Variants in NCOA6 observed in about 807,000 individuals in gnomAD.
NCOA6 encodes the protein nuclear receptor coactivator 6.
Under a neutral mutation model 171.4 loss-of-function variants are expected in NCOA6, and 49 were observed. That is an observed-to-expected ratio of 0.29 (90% CI 0.23 to 0.36). NCOA6 has a LOEUF of 0.36. Ranked by LOEUF, NCOA6 falls within the 10% of genes least tolerant of loss-of-function variation. NCOA6 has a pLI of 1.00. For synonymous variants in NCOA6, 910 were observed against 927.5 expected (o/e 0.98, Z 0.34); for missense variants, 2,248 against 2,554.5 (o/e 0.88, Z 2.59).
intron 1 of NCOA6, among the ~76,000 whole-genome samples, chr20:34,803,749 A>G (rs1428453013): frequency 2.0e-5 from 3 of 152,110 alleles, no homozygotes; most frequent in Non-Finnish European, 4.4e-5. Context: ...TAACCCCAGC[A>G]CTTTAGGAGG....
intron 5 of NCOA6, among the ~76,000 whole-genome samples, chr20:34,765,541 C>T (rs939846719): frequency 3.3e-5 from 5 of 151,958 alleles, no homozygotes; most frequent in Admixed American, 1.3e-4. Flanking sequence ...AATAGTGACA[C>T]TATAACATGC....
intron 11 of NCOA6, among the ~76,000 whole-genome samples, 178 bp from the exon 12 acceptor site, chr20:34,736,936 A>G (rs1445978660): frequency 1.3e-5 from 2 of 152,326 alleles, no homozygotes; most frequent in South Asian, 2.1e-4. Flanking sequence ...ATTAATTACC[A>G]TAACACCCAG....
chr20:34,740,672 G>T lies in NCOA6; in HGVS notation c.5584C>A (p.Pro1862Thr). 1 of 1,614,196 alleles carries T rather than the reference G, an allele frequency of 6.2e-7. No homozygotes were observed. Among genetic ancestry groups the T allele is most frequent in the East Asian group, 2.2e-5 (1 of 44,880 alleles). The change falls in exon 11 of 15, where the codon CCG (proline) becomes ACG (threonine). Residue 1862 changes from proline (P) to threonine (T), a missense_variant. Physicochemically the swap from Pro to Thr is conservative, Grantham distance 38 (BLOSUM62 -1). This residue lies in a region of NCOA6 where 884 missense variants were observed against 941.9 expected (regional missense o/e 0.94). Transcript: ENST00000359003. The part of the protein sequence containing the change: ...TEGQGLDTTA[P>T]GLMGTEQLST... The stretch of plus-strand genomic sequence containing the variant: ...AACTGCTCTGTTCCCATGAGCCCCG[G>T]AGCTGTGGTGTCTAGCCCTTGGCCT...
At chr20:34,763,734 A>G (rs1466633994) in intron 5 of NCOA6, among the ~76,000 whole-genome samples, 1 of 152,218 alleles carries the variant, frequency 6.6e-6, no homozygotes, top group Non-Finnish European at 1.5e-5. Flanking sequence ...AGGGTAGAGA[A>G]GACAATTCCA....
At position 34,757,300 on chromosome 20, in the gene NCOA6, C is replaced by T; in HGVS notation, c.1448G>A (p.Gly483Glu). 6.2e-7 allele frequency: 1 copy of T among 1,613,896 alleles called. No individual in the cohort carries two copies. The highest frequency in any genetic ancestry group is 8.5e-7 in the Non-Finnish European group (1 of 1,179,874). Residue 483 changes from glycine (G) to glutamate (E), a missense_variant, in exon 7 of 15, where the codon GGA (glycine) becomes GAA (glutamate). Transcript: ENST00000359003. ...SPGRNPMVQQ[G>E]NVPPNFMVMQ... ...CACCATGAAGTTAGGTGGCACATTT[C>T]CCTGTTGAACCATAGGATTCCGACC...
intron 1 of NCOA6, among the ~76,000 whole-genome samples, chr20:34,813,386 A>C (rs2078733999): frequency 6.6e-6 from 1 of 151,782 alleles, no homozygotes; most frequent in Non-Finnish European, 1.5e-5. Flanking sequence ...GAAACGCTTG[A>C]ACCCACGGGG....
intron 4 of NCOA6, among the ~76,000 whole-genome samples, chr20:34,774,916 T>C (rs1370612739): frequency 1.3e-5 from 2 of 152,170 alleles, no homozygotes; most frequent in African/African-American, 2.4e-5. Context: ...GTGAGATAAA[T>C]GATCTGAGGG....
chr20:34,796,455 A>T (rs982239812), intron 1 of NCOA6, among the ~76,000 whole-genome samples: 1 of 151,956 alleles, frequency 6.6e-6, no homozygotes, highest in Non-Finnish European at 1.5e-5. Context: ...TCCTGCCTCT[A>T]CAAAAAAATA....
intron 4 of NCOA6, among the ~76,000 whole-genome samples, chr20:34,773,976 G>C (rs1287545153): frequency 6.6e-6 from 1 of 152,190 alleles, no homozygotes; most frequent in African/African-American, 2.4e-5. Context: ...AACTCTTTCT[G>C]TATTGTGATA....
At chr20:34,817,138 AGC>A (rs1328392035) in intron 1 of NCOA6, among the ~76,000 whole-genome samples, 6,761 of 122,302 alleles carry the variant, frequency 0.055, 1,407 homozygotes, top group Non-Finnish European at 0.075. Context: ...CACACAAAAA[AGC>A]AAAAGCAAAA....
At chr20:34,812,925 T>C (rs2078715197) in intron 1 of NCOA6, among the ~76,000 whole-genome samples, 1 of 151,500 alleles carries the variant, frequency 6.6e-6, no homozygotes, top group African/African-American at 2.4e-5. Flanking sequence ...GAGGCTGAGG[T>C]GGGTAGACCA....
intron 2 of NCOA6, among the ~76,000 whole-genome samples, chr20:34,786,510 C>G (rs934547300): frequency 4.6e-5 from 7 of 152,250 alleles, no homozygotes; most frequent in African/African-American, 1.7e-4. Flanking sequence ...CCACTTAACA[C>G]TGTTTAACAC....
chr20:34,798,046 A>C (rs1476127940), intron 1 of NCOA6, among the ~76,000 whole-genome samples: 1 of 152,018 alleles, frequency 6.6e-6, no homozygotes, highest in Non-Finnish European at 1.5e-5. Context: ...GCATATTTTC[A>C]AAGAGGCTCT....
Position 34,757,789 on chromosome 20 carries a change from T to G in NCOA6, c.959A>C (p.Gln320Pro), listed in dbSNP as rs769675831. 1.6e-5 allele frequency: 26 copies of G among 1,614,168 alleles called. No individual in the cohort carries two copies. In the South Asian group the frequency reaches 2.9e-4, roughly 18 times the overall value. The change falls in exon 7 of 15, where the codon CAG becomes CCG. Residue 320 changes from glutamine (Q) to proline (P), a missense_variant. This residue lies in a region of NCOA6 where 987 missense variants were observed against 1,104.7 expected (regional missense o/e 0.89). Coordinates refer to ENST00000359003, the MANE Select transcript of NCOA6 (RefSeq NM_014071.5). Reference sequence around the variant, plus strand: ...AGGTTGAAGGGCTCCAGAAGGCAGCTGGTTCCAGCCTGGAGGAACAGGCAC... The same window carrying G: ...AGGTTGAAGGGCTCCAGAAGGCAGCGGGTTCCAGCCTGGAGGAACAGGCAC... Reference protein sequence around the residue: ...TQVPVPPGWNQLPSGALQPPP... With the variant: ...TQVPVPPGWNPLPSGALQPPP...
At chr20:34,722,409 A>G (rs1187040875) in intron 14 of NCOA6, among the ~76,000 whole-genome samples, 2 of 151,420 alleles carry the variant, frequency 1.3e-5, no homozygotes, top group Non-Finnish European at 2.9e-5. Context: ...AATAAAATAA[A>G]AGTAAAAATT....
chr20:34,735,029 CAAG>C (rs2075905947), intron 12 of NCOA6, among the ~76,000 whole-genome samples: 1 of 152,140 alleles, frequency 6.6e-6, no homozygotes, highest in African/African-American at 2.4e-5. Flanking sequence ...AAGTAGAGAT[CAAG>C]AAGGTTTGAT....
rs34909766 is a variant in NCOA6 at position 34,789,904 on chromosome 20, G to A, written c.-50+2546C>T. The stretch of plus-strand genomic sequence containing the variant: ...GCAATTATTCCTGCCTTAAATGGAA[G>A]AATATTCACTGAAAAACATTAATGT... On this transcript the variant is annotated intron_variant, in intron 2 of 14. Coordinates refer to ENST00000359003, the MANE Select transcript of NCOA6 (RefSeq NM_014071.5). Among the ~76,000 whole-genome samples the A allele has an allele frequency of 9.2e-3, 1,398 of 151,936 alleles. 29 individuals are homozygous for A. Among genetic ancestry groups the A allele is most frequent in the African/African-American group, 0.032 (1,329 of 41,414 alleles).
chr20:34,785,021 C>T (rs1324179786), intron 2 of NCOA6, among the ~76,000 whole-genome samples: 1 of 151,938 alleles, frequency 6.6e-6, no homozygotes, highest in African/African-American at 2.4e-5. Flanking sequence ...GCGGAGGCTG[C>T]AGTGAGCTGA....
intron 8 of NCOA6, among the ~76,000 whole-genome samples, chr20:34,751,323 T>A (rs1289645068): frequency 1.5e-5 from 2 of 133,608 alleles, no homozygotes; most frequent in African/African-American, 5.7e-5. Context: ...TGAGCCGAGA[T>A]TGCGCCACTG....
Sources: gnomAD v4.1 joint callset for allele counts (sites outside exome capture counted in the v4.1 genomes callset) on GRCh38, gnomAD v4.1.1 for gene constraint, gnomAD v4.1.1 regional missense constraint, MANE v1.5 for transcripts, NCBI Gene and HGNC (gene_info 2026-07-23, HGNC 2026-07-21) for gene names.